Variants in RPL17 observed in about 807,000 individuals in gnomAD.
RPL17 encodes ribosomal protein L17.
RPL17 carries 2 observed loss-of-function variants against 27.7 expected under a neutral mutation model. The ratio of observed to expected loss-of-function variants is 0.07; its 90% confidence interval spans 0.03 to 0.23. The LOEUF (loss-of-function observed/expected upper bound fraction) is 0.23. RPL17 is among the 10% of genes least tolerant of loss of function. The pLI, the probability that RPL17 is intolerant of heterozygous loss-of-function variation, is 1.00. For missense variants in RPL17, 141 were observed against 238.8 expected, an observed-to-expected ratio of 0.59 and a Z score of 2.70; for synonymous variants, 76 against 75.5, an observed-to-expected ratio of 1.01 and a Z score of -0.03.
chr18:49,492,042 T>G (rs1232719025), intron 1 of RPL17: 1 of 323,986 alleles, frequency 3.1e-6, no homozygotes, highest in Non-Finnish European at 6.1e-6. Flanking sequence ...AGAGCCCTCC[T>G]GTACGCAACA....
At chr18:49,491,129 A>G in intron 3 of RPL17, 2 of 938,644 alleles carry the variant, frequency 2.1e-6, no homozygotes, top group East Asian at 4.8e-5. Context: ...TTTATTCACT[A>G]TAAAACGTTT....
chr18:49,491,732 A>ATACTTTCCCCCACCAAGGGCT, intron 1 of RPL17, 148 bp from the exon 2 acceptor site: 1 of 1,042,984 alleles, frequency 9.6e-7, no homozygotes, highest in Non-Finnish European at 1.5e-6. Context: ...CATCGCAGCC[A>ATACTTTCCCCCACCAAGGGCT]TACTTTCCCC....
At chr18:49,490,417 C>A in intron 5 of RPL17, 37 bp downstream of exon 5, 1 of 1,600,036 alleles carries the variant, frequency 6.2e-7, no homozygotes, top group Non-Finnish European at 8.6e-7. Context: ...AATTAAACAA[C>A]CACCCAAGTT....
chr18:49,491,357 T>C (rs370404930), intron 3 of RPL17, 48 bp downstream of exon 3: 3 of 1,613,966 alleles, frequency 1.9e-6, no homozygotes, highest in African/African-American at 2.7e-5. Context: ...GCTACCTTTT[T>C]TGAGTGGAAC....
At chr18:49,489,834 G>A (rs1447587998) in intron 5 of RPL17, among the ~76,000 whole-genome samples, 1 of 152,118 alleles carries the variant, frequency 6.6e-6, no homozygotes, top group Admixed American at 6.5e-5. Flanking sequence ...TGAGGGGTAA[G>A]GAAGAACCCA....
chr18:49,490,434 G>T lies in RPL17; in HGVS notation c.315+20C>A, dbSNP rs759926185. The T allele has an allele frequency of 6.2e-6, 10 of 1,612,792 alleles. No homozygotes were observed. Among genetic ancestry groups the T allele is most frequent in the Non-Finnish European group, 8.5e-6 (10 of 1,179,032 alleles). On this transcript the variant is annotated intron_variant, in intron 5 of 6. Transcript: ENST00000580261. ...TTAAACAACCACCCAAGTTGCACAG[G>T]ATGTTAGTGGTTTGGGTACCTTAAG... is the stretch of plus-strand genomic sequence containing the variant.
At chr18:49,488,657 C>A in intron 6 of RPL17, 91 bp from the exon 7 acceptor site, 2 of 769,888 alleles carry the variant, frequency 2.6e-6, no homozygotes, top group South Asian at 2.9e-5. Flanking sequence ...GAAACCTAGT[C>A]GTTAAGGACT....
intron 1 of RPL17, 103 bp downstream of exon 1, chr18:49,492,355 G>A (rs1196980373): frequency 6.6e-6 from 1 of 152,592 alleles, no homozygotes; most frequent in Non-Finnish European, 1.5e-5. Context: ...AGTAGCCCTA[G>A]GAGTTCTCCT....
chr18:49,491,993 G>A (rs1185564359), intron 1 of RPL17: 4 of 358,740 alleles, frequency 1.1e-5, no homozygotes, highest in Non-Finnish European at 1.1e-5. Flanking sequence ...GGTAGTGAGT[G>A]CCGTCTCTCT....
At chr18:49,490,402 A>C in intron 5 of RPL17, 52 bp downstream of exon 5, 1 of 1,582,968 alleles carries the variant, frequency 6.3e-7, no homozygotes, top group South Asian at 1.1e-5. Flanking sequence ...TGAACAGCCA[A>C]CATTAATTAA....
At chr18:49,488,844 T>TAA (rs2148815542) in intron 6 of RPL17, among the ~76,000 whole-genome samples, 1 of 152,024 alleles carries the variant, frequency 6.6e-6, no homozygotes, top group Admixed American at 6.6e-5. Flanking sequence ...TATGTACATC[T>TAA]AAGTGGGGCC....
chr18:49,491,358 T>G, intron 3 of RPL17, 47 bp downstream of exon 3: 1 of 1,613,982 alleles, frequency 6.2e-7, no homozygotes, highest in African/African-American at 1.3e-5. Flanking sequence ...CTACCTTTTT[T>G]GAGTGGAACA....
At chr18:49,490,341 A>G in intron 5 of RPL17, 113 bp downstream of exon 5, 1 of 1,163,672 alleles carries the variant, frequency 8.6e-7, no homozygotes, top group East Asian at 2.5e-5. Flanking sequence ...TAGAAATTTA[A>G]AAAATCCTAA....
At chr18:49,491,242 A>T in intron 3 of RPL17, 163 bp downstream of exon 3, 1 of 1,171,776 alleles carries the variant, frequency 8.5e-7, no homozygotes, top group Non-Finnish European at 1.3e-6. Flanking sequence ...CACAAACGCT[A>T]CATCCTTACA....
chr18:49,491,317 C>T, intron 3 of RPL17, 88 bp downstream of exon 3: 1 of 1,585,452 alleles, frequency 6.3e-7, no homozygotes, highest in Non-Finnish European at 8.7e-7. Flanking sequence ...ACGGTAAATC[C>T]AAAGGTGTCC....
chr18:49,490,825 G>A lies in RPL17; in HGVS notation c.184C>T (p.Arg62Cys), dbSNP rs11537620. 5.0e-6 allele frequency: 8 copies of A among 1,612,882 alleles called. No homozygotes were observed. Among genetic ancestry groups the A allele is most frequent in the Non-Finnish European group, 6.8e-6 (8 of 1,179,888 alleles). The change falls in exon 4 of 7, where the codon CGT becomes TGT. Residue 62 changes from arginine (R) to cysteine (C), a missense_variant. Coordinates refer to ENST00000580261, the MANE Select transcript of RPL17 (RefSeq NM_001035006.5). ...CACCTGCCAACTCCACCATTGTAAC[G>A]TCGGAATGGTACACACTGTTTCTGT... ...TLQKQCVPFR[R>C]YNGGVGRCAQ...
In RPL17 at chr18:49,491,514, T is replaced by C. The variant is rs561634353; in HGVS notation, c.40+18A>G. 6 of 1,614,252 alleles carry C rather than the reference T, an allele frequency of 3.7e-6. No homozygotes were observed. Among genetic ancestry groups the C allele is most frequent in the Non-Finnish European group, 5.1e-6 (6 of 1,180,038 alleles). On this transcript the variant is annotated intron_variant, in intron 2 of 6. Transcript: ENST00000580261. ...AAGCCCCAAGTAGGAAATGGGTATC[T>C]ACCTCCTGTCCACTTACATTTCGTG...
chr18:49,491,839 G>C, intron 1 of RPL17: 1 of 674,632 alleles, frequency 1.5e-6, no homozygotes, highest in Non-Finnish European at 2.7e-6. Context: ...CAACCCTTTG[G>C]AAGAAAATAC....
rs560907762 is a variant in RPL17 at position 49,491,718 on chromosome 18, CCAT to C, written c.-13-137_-13-135del. The C allele has an allele frequency of 9.6e-5, 111 of 1,158,766 alleles. 4 individuals carry two copies. The Middle Eastern group carries it at 1.2e-3, about 12-fold the overall frequency. 71.8% of individuals were successfully genotyped at this position (1,158,766 alleles called of 1,614,324 possible). On this transcript the variant is annotated intron_variant, in intron 1 of 6. Coordinates refer to ENST00000580261, the MANE Select transcript of RPL17 (RefSeq NM_001035006.5). Reference sequence around the variant, plus strand: ...TAATCCAAAGGTGTCCTAAGAAATGCCATCATCGCAGCCATACTTTCCCCCACC... The same window carrying C: ...TAATCCAAAGGTGTCCTAAGAAATGCCATCGCAGCCATACTTTCCCCCACC...
Sources: allele counts gnomAD v4.1 joint callset (sites outside exome capture counted in the v4.1 genomes callset), GRCh38; gene constraint gnomAD v4.1.1; transcripts MANE v1.5; gene names NCBI Gene and HGNC (gene_info 2026-07-23, HGNC 2026-07-21).